The following NCAM1 variants were observed in gnomAD, a reference collection of about 807,000 sequenced individuals.
The protein encoded by NCAM1 is neural cell adhesion molecule 1, also known as antigen recognized by monoclonal antibody 5.1H11.
A neutral mutation model predicts 109.8 loss-of-function variants in NCAM1; 14 were observed. That is an observed-to-expected ratio of 0.13 (90% CI 0.08 to 0.20). The LOEUF (loss-of-function observed/expected upper bound fraction) is 0.20, where lower values mean the gene tolerates loss of function less well. NCAM1 is among the 10% of genes least tolerant of loss of function. The pLI, the probability that NCAM1 is intolerant of heterozygous loss-of-function variation, is 1.00. For missense variants in NCAM1, 774 were observed against 1,109.9 expected, an observed-to-expected ratio of 0.70 and a Z score of 4.30; for synonymous variants, 418 against 442.9, an observed-to-expected ratio of 0.94 and a Z score of 0.70.
chr11:113,004,432 C>A (rs1951840320), intron 1 of NCAM1, among the ~76,000 whole-genome samples: 1 of 151,836 alleles, frequency 6.6e-6, no homozygotes, highest in Admixed American at 6.6e-5. Flanking sequence ...GCGGAGGTTG[C>A]AGTGAGCCGA....
At position 113,275,932 on chromosome 11, in the gene NCAM1, T is replaced by C. The variant is rs1005753018; in HGVS notation, c.*545T>C. The C allele has an allele frequency of 5.9e-5, 9 of 152,716 alleles. No homozygotes were observed. Among genetic ancestry groups the C allele is most frequent in the African/African-American group, 2.2e-4 (9 of 41,476 alleles). 9.5% of individuals were successfully genotyped at this position (152,716 alleles called of 1,614,324 possible). A position where few individuals can be genotyped will look rare whatever the true frequency, so the allele number is the denominator to read the frequency against. ...CTGTTCACTTTGTATTTGTTCAGTA[T>C]GCAAAGTGTGTCACCCTTTCTAGCT... On this transcript the variant is annotated 3_prime_UTR_variant, in exon 20 of 20. Coordinates refer to ENST00000316851, the MANE Select transcript of NCAM1 (RefSeq NM_181351.5).
At position 113,231,903 on chromosome 11, in the gene NCAM1, A is replaced by C. The variant is rs1565516438; in HGVS notation, c.1240+108A>C. On this transcript the variant is annotated intron_variant, in intron 10 of 19. Coordinates refer to ENST00000316851, the MANE Select transcript of NCAM1 (RefSeq NM_181351.5). Reference sequence around the variant, plus strand: ...TATGTGCACCCTGTGTGTTCTGCTTACGTTCCCTGCAGCTGACCCTGGGCT... The same window carrying C: ...TATGTGCACCCTGTGTGTTCTGCTTCCGTTCCCTGCAGCTGACCCTGGGCT... 3 of 1,425,512 alleles carry C rather than the reference A, an allele frequency of 2.1e-6. No individual in the cohort carries two copies. The East Asian group carries it at 6.9e-5, about 33-fold the overall frequency. The allele number at this position is 1,425,512 out of a possible 1,614,324, so 88.3% of individuals were successfully genotyped here. A position where few individuals can be genotyped will look rare whatever the true frequency, so the allele number is the denominator to read the frequency against.
intron 1 of NCAM1, among the ~76,000 whole-genome samples, chr11:113,106,974 A>G (rs1940202524): frequency 6.6e-6 from 1 of 152,290 alleles, no homozygotes; most frequent in African/African-American, 2.4e-5. Context: ...TTGGAATCGG[A>G]ATTTTATCTA....
At chr11:113,048,945 G>T (rs1953365369) in intron 1 of NCAM1, among the ~76,000 whole-genome samples, 1 of 152,136 alleles carries the variant, frequency 6.6e-6, no homozygotes, top group African/African-American at 2.4e-5. Flanking sequence ...GTGCTCTTGT[G>T]AGCTGAGTAT....
chr11:113,073,798 T>G (rs1555085679), intron 1 of NCAM1, among the ~76,000 whole-genome samples: 1 of 152,246 alleles, frequency 6.6e-6, no homozygotes, highest in Non-Finnish European at 1.5e-5. Context: ...GGAACACACC[T>G]GCTGCTCTTA....
intron 1 of NCAM1, among the ~76,000 whole-genome samples, chr11:113,013,498 T>C (rs1952128104): frequency 6.6e-6 from 1 of 152,136 alleles, no homozygotes; most frequent in African/African-American, 2.4e-5. Context: ...TATAACATTT[T>C]TCCTCTGAAC....
At chr11:113,075,439 T>C (rs1938486456) in intron 1 of NCAM1, among the ~76,000 whole-genome samples, 1 of 152,182 alleles carries the variant, frequency 6.6e-6, no homozygotes, top group Non-Finnish European at 1.5e-5. Context: ...AAGCTGCATA[T>C]GGCATCTGGA....
At chr11:113,227,683 A>G (rs570351025) in intron 9 of NCAM1, among the ~76,000 whole-genome samples, 19 of 152,390 alleles carry the variant, frequency 1.2e-4, no homozygotes, top group African/African-American at 4.6e-4. Flanking sequence ...AAAATCATCA[A>G]TAAAATACTG....
intron 9 of NCAM1, among the ~76,000 whole-genome samples, chr11:113,224,796 C>A (rs1944790410): frequency 6.6e-6 from 1 of 152,224 alleles, no homozygotes; most frequent in Admixed American, 6.5e-5. Context: ...GTTCTGCAGC[C>A]TCCGCTGCTG....
chr11:113,048,883 A>T (rs1212007884), intron 1 of NCAM1, among the ~76,000 whole-genome samples: 1 of 151,960 alleles, frequency 6.6e-6, no homozygotes, highest in East Asian at 1.9e-4. Context: ...GCTGCTTGGT[A>T]CTCTGCTTGG....
chr11:112,962,337 G>C lies in NCAM1; in HGVS notation c.52+673G>C, dbSNP rs183758453. On this transcript the variant is annotated intron_variant, in intron 1 of 19. Coordinates refer to ENST00000316851, the MANE Select transcript of NCAM1 (RefSeq NM_181351.5). The surrounding 1 kb of genome is among the most constrained non-coding windows in gnomAD (Gnocchi z 5.6). The stretch of plus-strand genomic sequence containing the variant: ...CTGGTTAGTTGCAAAGCCTACCCTC[G>C]GCCGCGAGCACTGAAGGATGGGAGG... Among the ~76,000 whole-genome samples, 611 of 152,198 alleles carry C rather than the reference G, an allele frequency of 4.0e-3. 7 individuals are homozygous for C. Among genetic ancestry groups the C allele is most frequent in the African/African-American group, 0.014 (600 of 41,536 alleles).
intron 1 of NCAM1, among the ~76,000 whole-genome samples, chr11:113,053,589 G>A (rs76384704): frequency 0.05 from 7,630 of 152,134 alleles, 586 homozygotes; most frequent in Admixed American, 0.16. Flanking sequence ...TGACTTTTTA[G>A]TAATCTCCAT....
chr11:113,148,360 C>CTTTT (rs34102949), intron 1 of NCAM1, among the ~76,000 whole-genome samples: 3 of 141,366 alleles, frequency 2.1e-5, no homozygotes, highest in African/African-American at 2.6e-5. Context: ...GTTTGCGGAG[C>CTTTT]TTTTTTTTTT....
chr11:112,967,705 A>T (rs1345150409), intron 1 of NCAM1, among the ~76,000 whole-genome samples: 6 of 152,166 alleles, frequency 3.9e-5, no homozygotes, highest in East Asian at 1.9e-4. Context: ...GAAGGATTTT[A>T]AAAAGGGTAT....
At chr11:112,992,021 G>A (rs1441660215) in intron 1 of NCAM1, among the ~76,000 whole-genome samples, 1 of 151,982 alleles carries the variant, frequency 6.6e-6, no homozygotes, top group African/African-American at 2.4e-5. Flanking sequence ...AAATTCTATT[G>A]TAATTATGAA....
chr11:113,270,109 C>T (rs917266733), intron 17 of NCAM1, 79 bp from the exon 18 acceptor site: 216 of 1,431,178 alleles, frequency 1.5e-4, no homozygotes, highest in Non-Finnish European at 1.8e-4. Context: ...CCTCCCCACC[C>T]GCAGGGGCTT....
rs545151563 is a variant in NCAM1 at position 112,974,707 on chromosome 11, G to T, written c.52+13043G>T. On this transcript the variant is annotated intron_variant, in intron 1 of 19. Transcript: ENST00000316851. Reference sequence around the variant, plus strand: ...AGTCTGGTATATGCAAGGACAAAGTGCATCTGGTTCAATCTCTCTATTTAT... The same window carrying T: ...AGTCTGGTATATGCAAGGACAAAGTTCATCTGGTTCAATCTCTCTATTTAT... Among the ~76,000 whole-genome samples the T allele has an allele frequency of 1.2e-3, 177 of 152,092 alleles. 4 individuals carry two copies. The highest frequency in any genetic ancestry group is 4.2e-3 in the African/African-American group (173 of 41,512).
intron 1 of NCAM1, among the ~76,000 whole-genome samples, chr11:113,177,678 C>T (rs1943205597): frequency 6.6e-6 from 1 of 152,124 alleles, no homozygotes; most frequent in South Asian, 2.1e-4. Flanking sequence ...GGTGATCCCC[C>T]CTGGCTCAGC....
At chr11:112,996,843 T>C (rs1437175610) in intron 1 of NCAM1, among the ~76,000 whole-genome samples, 2 of 152,210 alleles carry the variant, frequency 1.3e-5, no homozygotes, top group South Asian at 2.1e-4. Flanking sequence ...AGGGACCCCG[T>C]CCCTTTTCTG....
Sources: allele counts gnomAD v4.1 joint callset (sites outside exome capture counted in the v4.1 genomes callset), GRCh38; gene constraint gnomAD v4.1.1; non-coding constraint Gnocchi (gnomAD v3.1); transcripts MANE v1.5; gene names NCBI Gene and HGNC (gene_info 2026-07-23, HGNC 2026-07-21).